Variants in ADAM22 observed in about 807,000 individuals in gnomAD.
ADAM22 encodes disintegrin and metalloproteinase domain-containing protein 22.
In ADAM22, 65 loss-of-function variants were observed where a neutral mutation model predicts 144.6. The observed-to-expected ratio is 0.45, with a 90% CI of 0.37 to 0.55. The LOEUF (loss-of-function observed/expected upper bound fraction) is 0.55, where lower values mean the gene tolerates loss of function less well. ADAM22 is among the 20% of genes least tolerant of loss of function. The probability of loss-of-function intolerance (pLI) is 0.00; values close to 1 mark genes in which losing one functional copy is unlikely to be tolerated. For synonymous variants in ADAM22, 391 were observed against 412.6 expected (o/e 0.95, Z 0.63); for missense variants, 974 against 1,184.9 (o/e 0.82, Z 2.61).
intron 2 of ADAM22, among the ~76,000 whole-genome samples, chr7:87,952,668 G>T (rs1159383007): frequency 6.6e-6 from 1 of 152,082 alleles, no homozygotes; most frequent in African/African-American, 2.4e-5. Context: ...AAATGAGTTA[G>T]GGAGGATTCC....
chr7:88,035,659 G>C (rs577930608), intron 3 of ADAM22, among the ~76,000 whole-genome samples: 3 of 152,224 alleles, frequency 2.0e-5, no homozygotes, highest in South Asian at 4.1e-4. Context: ...AACAATTTAC[G>C]TAGCATTCAT....
chr7:88,161,086 A>G (rs1237387217), intron 22 of ADAM22, among the ~76,000 whole-genome samples: 1 of 152,010 alleles, frequency 6.6e-6, no homozygotes, highest in Non-Finnish European at 1.5e-5. Context: ...CGTTGTGCAC[A>G]TGTACCCTAG....
chr7:87,948,687 G>A (rs1438780029), intron 2 of ADAM22, among the ~76,000 whole-genome samples: 1 of 152,142 alleles, frequency 6.6e-6, no homozygotes, highest in Non-Finnish European at 1.5e-5. Flanking sequence ...GAATGACCAG[G>A]CATTTTTATA....
At chr7:88,055,514 C>T (rs2129475601) in intron 3 of ADAM22, among the ~76,000 whole-genome samples, 1 of 152,224 alleles carries the variant, frequency 6.6e-6, no homozygotes, top group Middle Eastern at 3.4e-3. Flanking sequence ...TAGGAACGAT[C>T]TCGGTCTGTA....
intron 3 of ADAM22, among the ~76,000 whole-genome samples, chr7:87,989,799 C>T (rs1562931315): frequency 2.6e-5 from 4 of 152,140 alleles, no homozygotes; most frequent in Middle Eastern, 3.4e-3. Context: ...ACCCGTAATC[C>T]CAGCTACTCA....
chr7:87,991,265 G>GTCT (rs1264302753), intron 3 of ADAM22, among the ~76,000 whole-genome samples: 1 of 148,196 alleles, frequency 6.7e-6, no homozygotes, highest in East Asian at 2.0e-4. Flanking sequence ...ACTAATCTTT[G>GTCT]TCTTCATTTC....
intron 29 of ADAM22, 115 bp downstream of exon 29, chr7:88,182,139 G>A (rs1483217674): frequency 1.1e-6 from 1 of 932,152 alleles, no homozygotes; most frequent in Non-Finnish European, 1.6e-6. Context: ...TCTTGGTTTT[G>A]TCTTTTAAAT....
chr7:88,158,730 A>G (rs1258128723), intron 22 of ADAM22, among the ~76,000 whole-genome samples: 1 of 152,184 alleles, frequency 6.6e-6, no homozygotes, highest in Non-Finnish European at 1.5e-5. Flanking sequence ...GATACAAAAT[A>G]CAAGAATCTC....
chr7:88,171,487 T>C (rs1844295260), intron 25 of ADAM22, 57 bp from the exon 26 acceptor site: 1 of 1,498,564 alleles, frequency 6.7e-7, no homozygotes, highest in Non-Finnish European at 9.1e-7. Context: ...CTTGATGTCC[T>C]TCCAGAGGTA....
chr7:88,093,413 A>G (rs1345872017), intron 4 of ADAM22, among the ~76,000 whole-genome samples: 1 of 152,254 alleles, frequency 6.6e-6, no homozygotes, highest in African/African-American at 2.4e-5. Flanking sequence ...AAAAGGTAAT[A>G]AAGACCAGAG....
chr7:88,048,476 G>A (rs189207382), intron 3 of ADAM22, among the ~76,000 whole-genome samples: 108 of 152,128 alleles, frequency 7.1e-4, no homozygotes, highest in African/African-American at 2.4e-3. Context: ...AGATTAACCT[G>A]TGTTCCTAAA....
intron 2 of ADAM22, among the ~76,000 whole-genome samples, chr7:87,960,086 T>G (rs936351738): frequency 6.6e-6 from 1 of 152,188 alleles, no homozygotes; most frequent in Non-Finnish European, 1.5e-5. Context: ...TGGAAAGAAC[T>G]GAAGAACTTC....
intron 17 of ADAM22, 140 bp from the exon 18 acceptor site, chr7:88,148,837 C>G (rs1837386697): frequency 6.8e-6 from 4 of 584,450 alleles, no homozygotes; most frequent in South Asian, 4.4e-5. Flanking sequence ...TTTTCAGTAA[C>G]TGTGGTTTTG....
At chr7:87,969,061 C>T (rs892732663) in intron 2 of ADAM22, among the ~76,000 whole-genome samples, 1 of 152,184 alleles carries the variant, frequency 6.6e-6, no homozygotes, top group Non-Finnish European at 1.5e-5. Context: ...AGTCACTGTG[C>T]ACCAGGCCTC....
chr7:88,185,275 CCTT>C (rs1848034530), intron 29 of ADAM22, among the ~76,000 whole-genome samples: 1 of 152,098 alleles, frequency 6.6e-6, no homozygotes, highest in Non-Finnish European at 1.5e-5. Flanking sequence ...GCAACTGAAC[CCTT>C]CTTTCAGAAG....
intron 3 of ADAM22, among the ~76,000 whole-genome samples, chr7:88,054,026 G>A (rs964729087): frequency 6.6e-6 from 1 of 152,134 alleles, no homozygotes; most frequent in Non-Finnish European, 1.5e-5. Flanking sequence ...CAGCTACTCG[G>A]GAGGCTGAGG....
At chr7:88,096,230 C>A (rs1450442895) in intron 4 of ADAM22, among the ~76,000 whole-genome samples, 1 of 146,814 alleles carries the variant, frequency 6.8e-6, no homozygotes, top group African/African-American at 2.5e-5. Flanking sequence ...GCTGAAAATA[C>A]TTTTTTTTTT....
intron 2 of ADAM22, among the ~76,000 whole-genome samples, chr7:87,972,337 CT>C (rs1312228598): frequency 3.3e-5 from 5 of 150,954 alleles, no homozygotes; most frequent in African/African-American, 1.2e-4. Context: ...TTCACAATTG[CT>C]TCAAAGAGAA....
At chr7:87,971,706 G>A (rs974572441) in intron 2 of ADAM22, among the ~76,000 whole-genome samples, 2 of 152,092 alleles carry the variant, frequency 1.3e-5, no homozygotes, top group African/African-American at 2.4e-5. Flanking sequence ...CCCACCAAAG[G>A]AAATTCTTGG....
Sources: allele counts gnomAD v4.1 joint callset (sites outside exome capture counted in the v4.1 genomes callset), GRCh38; gene constraint gnomAD v4.1.1; transcripts MANE v1.5; gene names NCBI Gene and HGNC (gene_info 2026-07-23, HGNC 2026-07-21).